Variants in EFNA4 observed in about 807,000 individuals in gnomAD.
EFNA4 encodes the protein ephrin-A4.
Under a neutral mutation model 23.7 loss-of-function variants are expected in EFNA4, and 22 were observed. The ratio of observed to expected loss-of-function variants is 0.93; its 90% CI spans 0.66 to 1.32. The LOEUF is 1.32. EFNA4 is among the 40% of genes most tolerant of loss of function. The probability of loss-of-function intolerance (pLI) is 0.00; values close to 1 mark genes in which losing one functional copy is unlikely to be tolerated. For synonymous variants in EFNA4, 113 were observed against 108.3 expected (o/e 1.04, Z -0.27); for missense variants, 252 against 252.3 (o/e 1.00, Z 0.01).
At chr1:155,067,714 C>A (rs796622853) in intron 3 of EFNA4, among the ~76,000 whole-genome samples, 22 of 150,940 alleles carry the variant, frequency 1.5e-4, no homozygotes, top group African/African-American at 5.4e-4. Context: ...CTCCGCCTCT[C>A]TGGTTCACGC....
At chr1:155,067,244 G>C (rs759591056) in intron 2 of EFNA4, 128 bp from the exon 3 acceptor site, 17 of 1,170,068 alleles carry the variant, frequency 1.5e-5, no homozygotes, top group Non-Finnish European at 2.1e-5. Flanking sequence ...ACATGGGTGT[G>C]GCCCCAAAGT....
Position 155,067,008 on chromosome 1 carries a change from A to C in EFNA4, c.392A>C (p.Tyr131Ser). Residue 131 changes from tyrosine (Y) to serine (S), a missense_variant, in exon 2 of 4, where the codon TAC (tyrosine) becomes TCC (serine). Coordinates refer to ENST00000368409, the MANE Select transcript of EFNA4 (RefSeq NM_005227.3). ...GFEFLPGETY[Y>S]YISVPTPESS... The stretch of plus-strand genomic sequence containing the variant: ...GAGTTCTTACCTGGAGAGACTTACT[A>C]CTACATCTGTGAGTGGCCAAGGGCA... The C allele has an allele frequency of 1.2e-6, 2 of 1,606,456 alleles. No individual in the cohort carries two copies. The highest frequency in any genetic ancestry group is 1.7e-6 in the Non-Finnish European group (2 of 1,175,782).
At chr1:155,064,179 T>G (rs1662920999) in intron 1 of EFNA4, among the ~76,000 whole-genome samples, 1 of 152,200 alleles carries the variant, frequency 6.6e-6, no homozygotes, top group South Asian at 2.1e-4. Context: ...CTAGGGGGTC[T>G]TGGAGCATGG....
chr1:155,067,434 G>C lies in EFNA4; in HGVS notation c.463G>C (p.Glu155Gln), dbSNP rs780848551. ...GCTCCAGGTGTCTGTCTGCTGCAAG[G>C]AGAGGAGTAAGTGGGTTGGGAGCAT... Reference protein sequence around the residue: ...LRLQVSVCCKERKSESAHPVG... With the variant: ...LRLQVSVCCKQRKSESAHPVG... The change falls in exon 3 of 4, where the codon GAG becomes CAG. Residue 155 changes from glutamate to glutamine, a missense_variant. Transcript: ENST00000368409. 1 of 1,614,176 alleles carries C rather than the reference G, an allele frequency of 6.2e-7. No individual in the cohort carries two copies. Among genetic ancestry groups the C allele is most frequent in the Non-Finnish European group, 8.5e-7 (1 of 1,180,024 alleles).
intron 2 of EFNA4, 62 bp downstream of exon 2, chr1:155,067,078 A>G: frequency 2.6e-6 from 4 of 1,537,260 alleles, no homozygotes; most frequent in East Asian, 2.3e-5. Flanking sequence ...AGGGGGAAGG[A>G]GAGGCCTGGA....
Position 155,066,779 on chromosome 1 carries a change from G to A in EFNA4, c.163G>A (p.Asp55Asn). 4.3e-6 allele frequency: 7 copies of A among 1,610,526 alleles called. No individual in the cohort carries two copies. Among genetic ancestry groups the A allele is most frequent in the Non-Finnish European group, 5.9e-6 (7 of 1,178,946 alleles). The change falls in exon 2 of 4, where the codon GAC becomes AAC. Residue 55 changes from aspartate to asparagine, a missense_variant. Physicochemically the swap from Asp to Asn is conservative, Grantham distance 23. Transcript: ENST00000368409. The stretch of plus-strand genomic sequence containing the variant: ...GGAGCTGGGCCTCAACGATTACCTA[G>A]ACATTGTCTGCCCCCACTACGAAGG... ...VVELGLNDYLDIVCPHYEGPG... is the reference protein window; with the variant it reads ...VVELGLNDYLNIVCPHYEGPG...
intron 1 of EFNA4, among the ~76,000 whole-genome samples, chr1:155,066,220 G>C (rs377711816): frequency 1.3e-5 from 2 of 152,280 alleles, no homozygotes; most frequent in South Asian, 2.1e-4. Context: ...GTTGAAGTCA[G>C]TCTAAAGGAC....
At chr1:155,065,962 T>A (rs1663033914) in intron 1 of EFNA4, among the ~76,000 whole-genome samples, 2 of 150,410 alleles carry the variant, frequency 1.3e-5, no homozygotes, top group South Asian at 4.2e-4. Flanking sequence ...GGTCTTGATC[T>A]CCTGACCTCA....
At position 155,066,800 on chromosome 1, in the gene EFNA4, G is replaced by T. The variant is rs780190233; in HGVS notation, c.184G>T (p.Glu62Ter). ...DYLDIVCPHYEGPGPPEGPET... is the reference protein window; with the variant it reads ...DYLDIVCPHY The stretch of plus-strand genomic sequence containing the variant: ...CCTAGACATTGTCTGCCCCCACTAC[G>T]AAGGCCCAGGGCCCCCTGAGGGCCC... The change falls in exon 2 of 4, where the codon GAA (glutamate) becomes TAA (stop). Residue 62 changes from glutamate (E) to a stop codon, truncating the protein, a stop_gained. Transcript: ENST00000368409. LOFTEE classifies it high-confidence loss of function. 6.2e-7 allele frequency: 1 copy of T among 1,613,014 alleles called. No individual in the cohort carries two copies. The highest frequency in any genetic ancestry group is 2.2e-5 in the East Asian group (1 of 44,870).
chr1:155,067,276 C>G (rs765537295), intron 2 of EFNA4, 96 bp from the exon 3 acceptor site: 66 of 1,447,042 alleles, frequency 4.6e-5, no homozygotes, highest in Non-Finnish European at 6.2e-5. Context: ...TTCCAGGGAC[C>G]TGGAGAGAAG....
chr1:155,069,515 C>G lies in EFNA4; in HGVS notation c.*526C>G, dbSNP rs573097675. On this transcript the variant is annotated 3_prime_UTR_variant, in exon 4 of 4. Transcript: ENST00000368409. Reference sequence around the variant, plus strand: ...TATTTTTATAAGTATCTAGACCAAACCTTCAATAAACCACTCATCTTTTTG... The same window carrying G: ...TATTTTTATAAGTATCTAGACCAAAGCTTCAATAAACCACTCATCTTTTTG... The G allele has an allele frequency of 6.2e-4, 150 of 240,960 alleles. No homozygotes were observed. The highest frequency in any genetic ancestry group is 1.9e-3 in the Admixed American group (33 of 17,350). The allele number at this position is 240,960 out of a possible 1,614,324, so 14.9% of individuals were successfully genotyped here.
intron 3 of EFNA4, among the ~76,000 whole-genome samples, chr1:155,068,426 G>GGTTT (rs1571654990): frequency 3.5e-5 from 1 of 28,806 alleles, no homozygotes; most frequent in African/African-American, 9.8e-5. Context: ...CCACCCAGCT[G>GGTTT]ATTTTTTTTT....
At chr1:155,064,918 C>A (rs1662969197) in intron 1 of EFNA4, among the ~76,000 whole-genome samples, 1 of 152,186 alleles carries the variant, frequency 6.6e-6, no homozygotes, top group South Asian at 2.1e-4. Flanking sequence ...GGAGAGCCTG[C>A]ATAAAGACAG....
intron 1 of EFNA4, among the ~76,000 whole-genome samples, chr1:155,065,231 T>TC (rs1264750766): frequency 1.3e-5 from 2 of 152,218 alleles, no homozygotes; most frequent in African/African-American, 4.8e-5. Flanking sequence ...CCAGGAATCT[T>TC]CATTTCTAAT....
At chr1:155,068,138 T>G (rs1237540108) in intron 3 of EFNA4, among the ~76,000 whole-genome samples, 1 of 152,026 alleles carries the variant, frequency 6.6e-6, no homozygotes, top group African/African-American at 2.4e-5. Flanking sequence ...AGGCTGGCCT[T>G]GAACTCCTGG....
intron 3 of EFNA4, among the ~76,000 whole-genome samples, chr1:155,068,261 CTT>C (rs35275098): frequency 0.54 from 75,700 of 141,320 alleles, 20,522 homozygotes; most frequent in East Asian, 0.9. Context: ...TCACTGCACA[CTT>C]TTTTTTTTTT....
intron 1 of EFNA4, among the ~76,000 whole-genome samples, chr1:155,064,447 G>C (rs933142550): frequency 6.6e-6 from 1 of 152,264 alleles, no homozygotes; most frequent in East Asian, 1.9e-4. Context: ...TCCAGTGTCA[G>C]CCCTGCCCTT....
In EFNA4 at chr1:155,069,286, T is replaced by C; in HGVS notation, c.*297T>C. On this transcript the variant is annotated 3_prime_UTR_variant, in exon 4 of 4. Coordinates refer to ENST00000368409, the MANE Select transcript of EFNA4 (RefSeq NM_005227.3). Reference sequence around the variant, plus strand: ...ATCCCCCAGGAGGACTGGGATTTGGTATGATCAAATCCTCAAGCCAGCTGG... The same window carrying C: ...ATCCCCCAGGAGGACTGGGATTTGGCATGATCAAATCCTCAAGCCAGCTGG... The C allele has an allele frequency of 7.9e-7, 1 of 1,268,236 alleles. No individual in the cohort carries two copies. Among genetic ancestry groups the C allele is most frequent in the Non-Finnish European group, 1.1e-6 (1 of 943,920 alleles). The allele number at this position is 1,268,236 out of a possible 1,614,324, so 78.6% of individuals were successfully genotyped here. A position where few individuals can be genotyped will look rare whatever the true frequency, so the allele number is the denominator to read the frequency against.
At chr1:155,068,777 A>G in intron 3 of EFNA4, 76 bp from the exon 4 acceptor site, 1 of 1,449,426 alleles carries the variant, frequency 6.9e-7, no homozygotes, top group Non-Finnish European at 9.3e-7. Context: ...GAAAGGAGGG[A>G]ACTGCTAATG....
Sources: allele counts gnomAD v4.1 joint callset (sites outside exome capture counted in the v4.1 genomes callset), GRCh38; gene constraint gnomAD v4.1.1; transcripts MANE v1.5; gene names NCBI Gene and HGNC (gene_info 2026-07-23, HGNC 2026-07-21).